Variants in RAB38 observed in about 807,000 individuals in gnomAD.
RAB38 encodes RAB38, member RAS oncogene family.
In RAB38, 15 loss-of-function variants were observed where a neutral mutation model predicts 18.4. That is an observed-to-expected ratio of 0.82 (90% CI 0.55 to 1.26). The LOEUF (loss-of-function observed/expected upper bound fraction) is 1.26, where lower values mean the gene tolerates loss of function less well. Ranked by LOEUF, RAB38 falls within the 50% of genes most tolerant of loss-of-function variation. The probability of loss-of-function intolerance (pLI) is 0.00; values close to 1 mark genes in which losing one functional copy is unlikely to be tolerated. For synonymous variants in RAB38, 101 were observed against 104.4 expected, an observed-to-expected ratio of 0.97 and a Z score of 0.20; for missense variants, 294 against 267.4, an observed-to-expected ratio of 1.10 and a Z score of -0.69.
chr11:87,842,360 G>A, the RAB38 span, among the ~76,000 whole-genome samples: 1 of 152,120 alleles, frequency 6.6e-6, no homozygotes, highest in African/African-American at 2.4e-5. Context: ...GCTGAGTTTG[G>A]GAGGGGGGTT....
At chr11:87,976,207 AT>A in the RAB38 span, among the ~76,000 whole-genome samples, 1 of 146,878 alleles carries the variant, frequency 6.8e-6, no homozygotes, top group African/African-American at 2.5e-5. Flanking sequence ...TACTCTATGT[AT>A]ATTTTTATGT....
chr11:88,033,288 T>C, the RAB38 span, among the ~76,000 whole-genome samples: 1 of 151,728 alleles, frequency 6.6e-6, no homozygotes, highest in Admixed American at 6.6e-5. Flanking sequence ...GATGACGAGT[T>C]AGTGGGTGCA....
At chr11:88,004,250 G>A in the RAB38 span, among the ~76,000 whole-genome samples, 1 of 150,072 alleles carries the variant, frequency 6.7e-6, no homozygotes, top group Non-Finnish European at 1.5e-5. Context: ...TATTAAAACA[G>A]CAAATTGATT....
At chr11:87,846,887 G>C in the RAB38 span, among the ~76,000 whole-genome samples, 75 of 152,100 alleles carry the variant, frequency 4.9e-4, no homozygotes, top group African/African-American at 1.4e-3. Flanking sequence ...TAACTATAGA[G>C]TTAAACTTCA....
At chr11:88,121,490 T>A (rs1288259620) in intron 2 of RAB38, among the ~76,000 whole-genome samples, 1 of 152,182 alleles carries the variant, frequency 6.6e-6, no homozygotes, top group East Asian at 1.9e-4. Flanking sequence ...GTTCAGACAC[T>A]CATAATACAA....
At chr11:87,918,735 T>C in the RAB38 span, among the ~76,000 whole-genome samples, 1 of 148,076 alleles carries the variant, frequency 6.8e-6, no homozygotes, top group African/African-American at 2.7e-5. Flanking sequence ...TGTTTTCTTT[T>C]TATGAGTTAA....
chr11:88,043,936 C>T, the RAB38 span, among the ~76,000 whole-genome samples: 1 of 152,190 alleles, frequency 6.6e-6, no homozygotes, highest in Non-Finnish European at 1.5e-5. Flanking sequence ...AACATCTCAC[C>T]AATTTTAAAT....
chr11:87,977,779 TATATC>T, the RAB38 span, among the ~76,000 whole-genome samples: 100 of 109,918 alleles, frequency 9.1e-4, 2 homozygotes, highest in South Asian at 0.025. Flanking sequence ...AGTTATATAT[TATATC>T]ATAGTTATAT....
chr11:87,962,239 C>T, the RAB38 span, among the ~76,000 whole-genome samples: 1 of 152,050 alleles, frequency 6.6e-6, no homozygotes, highest in African/African-American at 2.4e-5. Flanking sequence ...AAAAAATCCC[C>T]GATTTGACAT....
chr11:88,045,660 G>A, the RAB38 span, among the ~76,000 whole-genome samples: 4 of 152,190 alleles, frequency 2.6e-5, no homozygotes, highest in East Asian at 1.9e-4. Flanking sequence ...AGCGGCTGAC[G>A]ATCGACGCTG....
At chr11:88,017,013 A>G in the RAB38 span, among the ~76,000 whole-genome samples, 3 of 152,114 alleles carry the variant, frequency 2.0e-5, no homozygotes, top group Non-Finnish European at 4.4e-5. Flanking sequence ...GACACTTGGA[A>G]GAAGGTGCCC....
At chr11:87,928,983 T>G in the RAB38 span, among the ~76,000 whole-genome samples, 1 of 151,900 alleles carries the variant, frequency 6.6e-6, no homozygotes, top group Non-Finnish European at 1.5e-5. Context: ...TGTGTGGTCG[T>G]GTATACCTGT....
At chr11:87,886,754 G>C in the RAB38 span, among the ~76,000 whole-genome samples, 1 of 151,502 alleles carries the variant, frequency 6.6e-6, no homozygotes, top group East Asian at 2.0e-4. Context: ...AGAAAGATGA[G>C]CTGATTATCC....
At chr11:87,931,661 T>A in the RAB38 span, among the ~76,000 whole-genome samples, 1 of 152,158 alleles carries the variant, frequency 6.6e-6, no homozygotes, top group Non-Finnish European at 1.5e-5. Context: ...GGATTACCCA[T>A]AATATCAGTT....
the RAB38 span, among the ~76,000 whole-genome samples, chr11:87,953,461 T>C: frequency 5.3e-5 from 8 of 152,302 alleles, no homozygotes; most frequent in Non-Finnish European, 1.0e-4. Flanking sequence ...CTACTTATAT[T>C]TAACTGTGGT....
the RAB38 span, among the ~76,000 whole-genome samples, chr11:87,918,866 T>TA: frequency 2.6e-5 from 4 of 152,084 alleles, no homozygotes; most frequent in African/African-American, 9.6e-5. Context: ...CAAGAGCTTT[T>TA]GAGTTTGGTG....
At chr11:87,941,875 C>CAG in the RAB38 span, among the ~76,000 whole-genome samples, 35 of 152,260 alleles carry the variant, frequency 2.3e-4, no homozygotes, top group African/African-American at 8.2e-4. Context: ...CTGAAAGACA[C>CAG]AGAGACTCCC....
At chr11:88,070,385 G>A in the RAB38 span, among the ~76,000 whole-genome samples, 1 of 152,124 alleles carries the variant, frequency 6.6e-6, no homozygotes, top group African/African-American at 2.4e-5. Flanking sequence ...AACAAACTCC[G>A]GACACGCCAC....
At chr11:88,123,154 C>G (rs1338593222) in intron 2 of RAB38, among the ~76,000 whole-genome samples, 4 of 152,180 alleles carry the variant, frequency 2.6e-5, no homozygotes, top group Admixed American at 6.5e-5. Flanking sequence ...GGAAATCCCC[C>G]CTGACTCCCC....
Sources: gnomAD v4.1 joint callset for allele counts (sites outside exome capture counted in the v4.1 genomes callset) on GRCh38, gnomAD v4.1.1 for gene constraint, MANE v1.5 for transcripts, NCBI Gene and HGNC (gene_info 2026-07-23, HGNC 2026-07-21) for gene names.